EIF2S3B: variants seen among roughly 807,000 people sequenced by gnomAD.
EIF2S3B encodes eukaryotic translation initiation factor 2 subunit 3B.
Under a neutral mutation model 26.4 loss-of-function variants are expected in EIF2S3B, and 16 were observed. The observed-to-expected ratio is 0.61, with a 90% CI of 0.41 to 0.92. The LOEUF (loss-of-function observed/expected upper bound fraction) is 0.92. Among genes scored for constraint, EIF2S3B ranks in the 40% least tolerant of loss-of-function variants. The pLI, the probability that EIF2S3B is intolerant of heterozygous loss-of-function variation, is 0.00. For missense variants in EIF2S3B, 510 were observed against 575.5 expected (o/e 0.89, Z 1.16); for synonymous variants, 183 against 204.4 (o/e 0.90, Z 0.89).
chr12:10,506,924 C>T lies in EIF2S3B; in HGVS notation c.1022C>T (p.Thr341Ile). Residue 341 changes from threonine (T) to isoleucine (I), a missense_variant, in exon 1 of 1, where the codon ACA becomes ATA. Physicochemically the swap from Thr to Ile is moderately conservative, Grantham distance 89. Transcript: ENST00000538173. Reference protein sequence around the residue: ...AAPGGLIGVGTKIDPTLCRAD... With the variant: ...AAPGGLIGVGIKIDPTLCRAD... ...CCAGGCGGTCTTATTGGAGTTGGAA[C>T]AAAAATTGACCCCACTTTGTGCCGG... The T allele has an allele frequency of 6.2e-7, 1 of 1,613,788 alleles. No homozygotes were observed. The highest frequency in any genetic ancestry group is 8.5e-7 in the Non-Finnish European group (1 of 1,179,716).
At position 10,521,796 on chromosome 12, in the gene EIF2S3B, A is replaced by G. The variant is rs147983833; in HGVS notation, c.1309-807A>G. Among the ~76,000 whole-genome samples the G allele has an allele frequency of 5.9e-3, 901 of 152,332 alleles. 8 individuals carry two copies. Among genetic ancestry groups the G allele is most frequent in the African/African-American group, 0.02 (847 of 41,584 alleles). On this transcript the variant is annotated intron_variant, in intron 1 of 1. Transcript: ENST00000322446. ...TAGTAAAAGCTAGCTATTTTAGGAAAGTGTGAGCAACCTGAAAGTCATAAT... is the reference window on the plus strand; with the variant it reads ...TAGTAAAAGCTAGCTATTTTAGGAAGGTGTGAGCAACCTGAAAGTCATAAT...
chr12:10,522,699 A>G (rs1315446215), exon 2 of EIF2S3B: 2 of 686,814 alleles, frequency 2.9e-6, no homozygotes, highest in Non-Finnish European at 5.3e-6. Flanking sequence ...CTTCTAGGAA[A>G]TCATTTCTTT....
chr12:10,506,526 T>C lies in EIF2S3B; in HGVS notation c.624T>C (p.Leu208=), dbSNP rs1591632640. Residue 208 remains leucine (L), a synonymous_variant, in exon 1 of 1, where the codon CTT becomes CTC. Coordinates refer to ENST00000538173, the MANE Select transcript of EIF2S3B (RefSeq NM_001357734.3). ...CTAAAGAACAATACGAGCAGATCCT[T>C]GCGTTTGTCCAAGGTACAGTAGCAG... ...RQAKEQYEQI[L]AFVQGTVAEG... 1.3e-6 allele frequency: 2 copies of C among 1,594,668 alleles called. No homozygotes were observed. The highest frequency in any genetic ancestry group is 1.7e-6 in the Non-Finnish European group (2 of 1,162,222).
At chr12:10,520,201 T>A (rs1408534866) in intron 1 of EIF2S3B, among the ~76,000 whole-genome samples, 4 of 151,790 alleles carry the variant, frequency 2.6e-5, no homozygotes, top group African/African-American at 9.7e-5. Flanking sequence ...AGAGTTCATG[T>A]CCTTTGTAGG....
At position 10,507,417 on chromosome 12, in the gene EIF2S3B, T is replaced by C; in HGVS notation, c.*96T>C. The C allele has an allele frequency of 7.0e-7, 1 of 1,435,606 alleles. No homozygotes were observed. Among genetic ancestry groups the C allele is most frequent in the Non-Finnish European group, 9.7e-7 (1 of 1,025,716 alleles). 88.9% of individuals were successfully genotyped at this position (1,435,606 alleles called of 1,614,324 possible). ...TATTTTCAAAGCGATATTGGGGAAT[T>C]GATTTCACAGTTTGTTACCTTAGTA... On this transcript the variant is annotated 3_prime_UTR_variant, in exon 1 of 1. Transcript: ENST00000538173.
At chr12:10,518,849 G>A (rs1277048743) in intron 1 of EIF2S3B, among the ~76,000 whole-genome samples, 4 of 151,928 alleles carry the variant, frequency 2.6e-5, no homozygotes, top group Non-Finnish European at 5.9e-5. Context: ...ACTGCTCAAG[G>A]AAATAAAAGA....
chr12:10,521,457 A>C (rs186767627), intron 1 of EIF2S3B, among the ~76,000 whole-genome samples: 15 of 152,236 alleles, frequency 9.9e-5, no homozygotes, highest in Admixed American at 9.8e-4. Flanking sequence ...CCCCAAGGTC[A>C]AATAGCTAGT....
rs1864623929 is a variant in EIF2S3B at position 10,506,115 on chromosome 12, T to C, written c.213T>C (p.Asn71=). 3.8e-6 allele frequency: 6 copies of C among 1,589,132 alleles called. No homozygotes were observed. The highest frequency in any genetic ancestry group is 5.2e-6 in the Non-Finnish European group (6 of 1,157,252). The change falls in exon 1 of 1, where the codon AAT becomes AAC. Residue 71 remains asparagine, a synonymous_variant. Transcript: ENST00000538173. ...GAGTTCACACCGTCAGGTTCAAAAA[T>C]GAACTAGAAAGAAATATTACAATCA... The part of the protein sequence containing the change: ...ISGVHTVRFK[N]ELERNITIKL...
intron 1 of EIF2S3B, among the ~76,000 whole-genome samples, chr12:10,516,925 G>T (rs1363897811): frequency 6.7e-6 from 1 of 150,074 alleles, no homozygotes; most frequent in Non-Finnish European, 1.5e-5. Context: ...ATTGATTTGC[G>T]TATATTGAAC....
intron 1 of EIF2S3B, among the ~76,000 whole-genome samples, chr12:10,518,024 C>T (rs1033666077): frequency 4.9e-4 from 75 of 151,988 alleles, no homozygotes; most frequent in Middle Eastern, 3.4e-3. Flanking sequence ...GAGAGCTTTA[C>T]TTCCAACTAT....
rs773247612 is a variant in EIF2S3B, at chr12:10,506,782, A to T, written c.880A>T (p.Thr294Ser). The stretch of plus-strand genomic sequence containing the variant: ...AGGAGTATTAAAGGTGGGCCAGGAG[A>T]CAGAAGTAAGACCTGGTATTGTTTC... ...LKGVLKVGQE[T>S]EVRPGIVSKD... is the part of the protein sequence containing the mutation. Residue 294 changes from threonine to serine, a missense_variant, in exon 1 of 1, where the codon ACA becomes TCA. Transcript: ENST00000538173. 6.2e-7 allele frequency: 1 copy of T among 1,613,680 alleles called. No individual in the cohort carries two copies. The highest frequency in any genetic ancestry group is 1.3e-5 in the African/African-American group (1 of 74,892).
At position 10,515,260 on chromosome 12, in the gene EIF2S3B, T is replaced by C. The variant is rs184974862; in HGVS notation, c.1309-7343T>C. Among the ~76,000 whole-genome samples, 6 of 152,116 alleles carry C rather than the reference T, an allele frequency of 3.9e-5. No individual in the cohort carries two copies. In the East Asian group the frequency reaches 9.7e-4, roughly 24 times the overall value. On this transcript the variant is annotated intron_variant, in intron 1 of 1. Transcript: ENST00000322446. ...ATATGACATTCATCTGATCCTTTCA[T>C]GATACGATTACAGCACTAGCAGTAT... is the stretch of plus-strand genomic sequence containing the variant.
chr12:10,518,541 T>G (rs1235960668), intron 1 of EIF2S3B, among the ~76,000 whole-genome samples: 1 of 152,158 alleles, frequency 6.6e-6, no homozygotes, highest in Non-Finnish European at 1.5e-5. Context: ...TGATGGGTCT[T>G]GACTCTTTAT....
chr12:10,509,675 A>G (rs1306252316), downstream of EIF2S3B, among the ~76,000 whole-genome samples: 1 of 152,030 alleles, frequency 6.6e-6, no homozygotes, highest in Non-Finnish European at 1.5e-5. Flanking sequence ...TTGAATAAGA[A>G]CCACCATATT....
chr12:10,520,849 T>C (rs1379444386), intron 1 of EIF2S3B, among the ~76,000 whole-genome samples: 2 of 152,130 alleles, frequency 1.3e-5, no homozygotes, highest in Non-Finnish European at 2.9e-5. Flanking sequence ...ATAAGCATGA[T>C]AGTCAAGAAA....
At chr12:10,520,513 TAATAA>T (rs912030993) in intron 1 of EIF2S3B, among the ~76,000 whole-genome samples, 6 of 151,752 alleles carry the variant, frequency 4.0e-5, no homozygotes, top group African/African-American at 7.3e-5. Context: ...AGTATAATAA[TAATAA>T]AATAAAATTT....
chr12:10,509,226 C>T (rs1033387417), downstream of EIF2S3B, among the ~76,000 whole-genome samples: 2 of 151,990 alleles, frequency 1.3e-5, no homozygotes, highest in Non-Finnish European at 2.9e-5. Flanking sequence ...GCCTATTCCT[C>T]CACAGTATTT....
chr12:10,507,388 G>A lies in EIF2S3B; in HGVS notation c.*67G>A, dbSNP rs1864649424. On this transcript the variant is annotated 3_prime_UTR_variant, in exon 1 of 1. Coordinates refer to ENST00000538173, the MANE Select transcript of EIF2S3B (RefSeq NM_001357734.3). ...TGCAATTTCTCTTTAACAACCAAGG[G>A]GTTTATTTTCAAAGCGATATTGGGG... 3 of 1,572,702 alleles carry A rather than the reference G, an allele frequency of 1.9e-6. No individual in the cohort carries two copies. The highest frequency in any genetic ancestry group is 1.4e-5 in the African/African-American group (1 of 73,748).
rs1864666324 is a variant in EIF2S3B, at chr12:10,508,246, C to T, written c.*925C>T. Among the ~76,000 whole-genome samples the T allele has an allele frequency of 1.3e-5, 2 of 152,116 alleles. No individual in the cohort carries two copies. The highest frequency in any genetic ancestry group is 2.9e-5 in the Non-Finnish European group (2 of 68,022). ...ATGGGCAAATAATTTTCTCCCCTTG[C>T]TCTTCCTGGCCTGAAATACGGGAAA... On this transcript the variant is annotated 3_prime_UTR_variant, in exon 1 of 1. Transcript: ENST00000538173.
Sources: allele counts gnomAD v4.1 joint callset (sites outside exome capture counted in the v4.1 genomes callset), GRCh38; gene constraint gnomAD v4.1.1; transcripts MANE v1.5; gene names NCBI Gene and HGNC (gene_info 2026-07-23, HGNC 2026-07-21).